The following PTPN23 variants were observed in gnomAD, a reference collection of about 807,000 sequenced individuals.
PTPN23 encodes tyrosine-protein phosphatase non-receptor type 23.
In PTPN23, 72 loss-of-function variants were observed where a neutral mutation model predicts 156.3. That is an observed-to-expected ratio of 0.46 (90% CI 0.38 to 0.56). The LOEUF (loss-of-function observed/expected upper bound fraction) is 0.56, where lower values mean the gene tolerates loss of function less well. Among genes scored for constraint, PTPN23 ranks in the 20% least tolerant of loss-of-function variants. The pLI, the probability that PTPN23 is intolerant of heterozygous loss-of-function variation, is 0.00. For synonymous variants in PTPN23, 957 were observed against 899.6 expected (o/e 1.06, Z -1.14); for missense variants, 1,974 against 2,171.5 (o/e 0.91, Z 1.81).
chr3:47,402,304 G>A (rs559873275), intron 2 of PTPN23, among the ~76,000 whole-genome samples: 8 of 151,836 alleles, frequency 5.3e-5, no homozygotes, highest in East Asian at 1.9e-4. Context: ...ATTTGAGACC[G>A]AGTCTCACTC....
intron 1 of PTPN23, among the ~76,000 whole-genome samples, chr3:47,384,919 C>T (rs965022282): frequency 3.2e-4 from 49 of 152,084 alleles, no homozygotes; most frequent in Non-Finnish European, 3.7e-4. Context: ...TGTGCCACCA[C>T]GCCTGGCTAA....
chr3:47,385,396 G>A (rs1037947448), intron 1 of PTPN23, among the ~76,000 whole-genome samples: 1 of 152,130 alleles, frequency 6.6e-6, no homozygotes, highest in Non-Finnish European at 1.5e-5. Context: ...CTGTGTCTTG[G>A]CTGGGAGCAG....
In PTPN23 at chr3:47,410,042, C is replaced by T. The variant is rs77776224; in HGVS notation, c.2244C>T (p.Leu748=). 4.3e-6 allele frequency: 7 copies of T among 1,610,838 alleles called. No homozygotes were observed. Among genetic ancestry groups the T allele is most frequent in the Non-Finnish European group, 5.9e-6 (7 of 1,178,714 alleles). The stretch of plus-strand genomic sequence containing the variant: ...ACCCCCCTGAGGAGCTGCGCAGCCT[C>T]CCCCCTGACATGGTGGCTGGCCCAC... ...AGDPPEELRS[L]PPDMVAGPRL... Residue 748 remains leucine, a synonymous_variant, in exon 20 of 25, where the codon CTC becomes CTT. Transcript: ENST00000265562.
chr3:47,399,784 C>T (rs1465849552), intron 2 of PTPN23, among the ~76,000 whole-genome samples: 1 of 152,144 alleles, frequency 6.6e-6, no homozygotes, highest in African/African-American at 2.4e-5. Context: ...TTTAATTTAT[C>T]CCAGCAATGT....
chr3:47,403,148 G>T (rs1705036814), intron 2 of PTPN23, among the ~76,000 whole-genome samples: 1 of 151,712 alleles, frequency 6.6e-6, no homozygotes, highest in African/African-American at 2.4e-5. Flanking sequence ...CCCCCCGGGG[G>T]TTCACGCCAT....
At chr3:47,389,037 C>A (rs1227918750) in intron 1 of PTPN23, among the ~76,000 whole-genome samples, 3 of 152,114 alleles carry the variant, frequency 2.0e-5, no homozygotes, top group Non-Finnish European at 2.9e-5. Context: ...TCCACTCCCC[C>A]ACCCCACTCC....
chr3:47,398,945 T>C (rs1196933888), intron 2 of PTPN23, among the ~76,000 whole-genome samples: 1 of 152,198 alleles, frequency 6.6e-6, no homozygotes, highest in African/African-American at 2.4e-5. Flanking sequence ...ATTTGCCCTA[T>C]ATATGTGGTT....
intron 23 of PTPN23, 28 bp from the exon 24 acceptor site, chr3:47,412,486 G>A: frequency 6.2e-7 from 1 of 1,611,992 alleles, no homozygotes; most frequent in Non-Finnish European, 8.5e-7. Context: ...CCCCTGCCCA[G>A]CTGACCTGGC....
At position 47,413,286 on chromosome 3, in the gene PTPN23, C is replaced by T; in HGVS notation, c.*101C>T. 3.4e-6 allele frequency: 5 copies of T among 1,472,024 alleles called. No homozygotes were observed. Among genetic ancestry groups the T allele is most frequent in the Non-Finnish European group, 4.6e-6 (5 of 1,088,408 alleles). 91.2% of individuals were successfully genotyped at this position (1,472,024 alleles called of 1,614,324 possible). ...CTCAGTGGGCACAGTCTCTTACTCC[C>T]ATTTCTGCTGCCTTTGGCCCTGCCT... On this transcript the variant is annotated 3_prime_UTR_variant, in exon 25 of 25. Coordinates refer to ENST00000265562, the MANE Select transcript of PTPN23 (RefSeq NM_015466.4).
In PTPN23 at chr3:47,412,940, C is replaced by G; in HGVS notation, c.4666C>G (p.Pro1556Ala). The part of the protein sequence containing the change: ...PPLSSPLPEA[P>A]QPKEEPPVPE... ...CCTTTCCTCCCCACTACCTGAGGCT[C>G]CCCAGCCTAAGGAGGAGCCGCCAGT... The change falls in exon 25 of 25, where the codon CCC becomes GCC. Residue 1556 changes from proline to alanine, a missense_variant. By Grantham distance (27) the Pro-to-Ala change is conservative. Around this residue, in one of 4 missense-constraint regions of PTPN23, gnomAD observed 484 missense variants for 516.0 expected, o/e 0.94. Transcript: ENST00000265562. 6.5e-7 allele frequency: 1 copy of G among 1,533,252 alleles called. No homozygotes were observed. The highest frequency in any genetic ancestry group is 8.8e-7 in the Non-Finnish European group (1 of 1,132,214). 95.0% of individuals were successfully genotyped at this position (1,533,252 alleles called of 1,614,324 possible). A position where few individuals can be genotyped will look rare whatever the true frequency, so the allele number is the denominator to read the frequency against.
At chr3:47,392,221 T>G (rs940044074) in intron 1 of PTPN23, among the ~76,000 whole-genome samples, 2 of 152,144 alleles carry the variant, frequency 1.3e-5, no homozygotes, top group Non-Finnish European at 2.9e-5. Context: ...GGTCTCACTC[T>G]GACACCCCAG....
chr3:47,412,204 G>A lies in PTPN23; in HGVS notation c.4178+6G>A, dbSNP rs751549561. 1.2e-6 allele frequency: 2 copies of A among 1,613,260 alleles called. No individual in the cohort carries two copies. Among genetic ancestry groups the A allele is most frequent in the Non-Finnish European group, 1.7e-6 (2 of 1,180,024 alleles). On this transcript the variant is annotated splice_donor_region_variant and intron_variant, in intron 22 of 24. Transcript: ENST00000265562. ...CCCATCATTGTGCACTGCAGGTAGA[G>A]GGTGGGCCTGAGGGTCTCTCCTCTA...
Position 47,410,221 on chromosome 3 carries a change from C to T in PTPN23, c.2423C>T (p.Pro808Leu), listed in dbSNP as rs1705236871. 6.2e-7 allele frequency: 1 copy of T among 1,611,438 alleles called. No homozygotes were observed. The highest frequency in any genetic ancestry group is 1.3e-5 in the African/African-American group (1 of 74,832). The change falls in exon 20 of 25, where the codon CCA becomes CTA. Residue 808 changes from proline to leucine, a missense_variant. Coordinates refer to ENST00000265562, the MANE Select transcript of PTPN23 (RefSeq NM_015466.4). ...ACCCAGCTGATACAGCCCAGGGCCC[C>T]AGGGCCCCATGCAATGCCCGTAGCA... ...GPTQLIQPRA[P>L]GPHAMPVAPG...
Position 47,411,901 on chromosome 3 carries a change from T to A in PTPN23, c.4007T>A (p.Leu1336Gln). ...TETHVERVLS[L>Q]QFRDQSLKRS... is the part of the protein sequence containing the mutation. ...ACCCATGTGGAGCGCGTGCTGAGCC[T>A]GCAGTTCCGAGACCAGAGCCTCAAG... is the stretch of plus-strand genomic sequence containing the variant. Residue 1336 changes from leucine (L) to glutamine (Q), a missense_variant, in exon 21 of 25, where the codon CTG (leucine) becomes CAG (glutamine). Leu to Gln is a moderately radical substitution (Grantham distance 113). This residue lies in a region of PTPN23 where 484 missense variants were observed against 516.0 expected (regional missense o/e 0.94). Coordinates refer to ENST00000265562, the MANE Select transcript of PTPN23 (RefSeq NM_015466.4). This position sits in a 1 kb window ranked among gnomAD's most constrained non-coding sequence, Gnocchi z 6.3. 2 of 1,613,420 alleles carry A rather than the reference T, an allele frequency of 1.2e-6. No individual in the cohort carries two copies. The highest frequency in any genetic ancestry group is 1.7e-6 in the Non-Finnish European group (2 of 1,180,016).
At position 47,412,608 on chromosome 3, in the gene PTPN23, G is replaced by A. The variant is rs1410272630; in HGVS notation, c.4412G>A (p.Ser1471Asn). 1 of 1,613,568 alleles carries A rather than the reference G, an allele frequency of 6.2e-7. No homozygotes were observed. The highest frequency in any genetic ancestry group is 1.1e-5 in the South Asian group (1 of 91,082). Reference sequence around the variant, plus strand: ...CCTCCTCCATGCAAACCCTTGGCCAGTGCAAGCATCAGCCAGAAGGTGAGG... The same window carrying A: ...CCTCCTCCATGCAAACCCTTGGCCAATGCAAGCATCAGCCAGAAGGTGAGG... The part of the protein sequence containing the change: ...GVPPPCKPLA[S>N]ASISQKNHLP... The change falls in exon 24 of 25, where the codon AGT (serine) becomes AAT (asparagine). Residue 1471 changes from serine (S) to asparagine (N), a missense_variant. Around this residue, in one of 4 missense-constraint regions of PTPN23, gnomAD observed 484 missense variants for 516.0 expected, o/e 0.94. Transcript: ENST00000265562.
chr3:47,404,950 C>A, intron 3 of PTPN23, 55 bp from the exon 4 acceptor site: 1 of 1,608,316 alleles, frequency 6.2e-7, no homozygotes, highest in African/African-American at 1.3e-5. Flanking sequence ...CTTACCTAAT[C>A]TCAGGGCCCT....
intron 2 of PTPN23, 36 bp from the exon 3 acceptor site, chr3:47,404,616 T>C: frequency 1.2e-6 from 2 of 1,608,890 alleles, no homozygotes; most frequent in Non-Finnish European, 1.7e-6. Flanking sequence ...CTGCCCCATA[T>C]GACAACAGGC....
rs567597967 is a variant in PTPN23, at chr3:47,406,993, G to A, written c.808-137G>A. 1.5e-4 allele frequency: 189 copies of A among 1,222,806 alleles called. No homozygotes were observed. The African/African-American group carries it at 2.0e-3, about 13-fold the overall frequency. 75.7% of individuals were successfully genotyped at this position (1,222,806 alleles called of 1,614,324 possible). A position where few individuals can be genotyped will look rare whatever the true frequency, so the allele number is the denominator to read the frequency against. ...GGGCAGGGTGTGGCGCCACCTTGCTGCTGTTGGCTGGGGTGGTGCCCGGCT... is the reference window on the plus strand; with the variant it reads ...GGGCAGGGTGTGGCGCCACCTTGCTACTGTTGGCTGGGGTGGTGCCCGGCT... On this transcript the variant is annotated intron_variant, in intron 9 of 24. Coordinates refer to ENST00000265562, the MANE Select transcript of PTPN23 (RefSeq NM_015466.4). The surrounding 1 kb of genome is among the most constrained non-coding windows in gnomAD (Gnocchi z 5.8).
At chr3:47,397,584 C>A (rs189210016) in intron 2 of PTPN23, among the ~76,000 whole-genome samples, 8 of 152,252 alleles carry the variant, frequency 5.3e-5, no homozygotes, top group Non-Finnish European at 8.8e-5. Context: ...TTGCAATAAC[C>A]CAGCAGTACT....
Sources: allele counts gnomAD v4.1 joint callset (sites outside exome capture counted in the v4.1 genomes callset), GRCh38; gene constraint gnomAD v4.1.1; regional missense constraint gnomAD v4.1.1; non-coding constraint Gnocchi (gnomAD v3.1); transcripts MANE v1.5; gene names NCBI Gene and HGNC (gene_info 2026-07-23, HGNC 2026-07-21).